Variants in CFAP251 observed in about 807,000 individuals in gnomAD.
CFAP251 encodes the protein cilia- and flagella-associated protein 251.
Under a neutral mutation model 126.7 loss-of-function variants are expected in CFAP251, and 93 were observed. The ratio of observed to expected loss-of-function variants is 0.73; its 90% confidence interval spans 0.62 to 0.87. The LOEUF is 0.87. Ranked by LOEUF, CFAP251 falls within the 40% of genes least tolerant of loss-of-function variation. The probability of loss-of-function intolerance (pLI) is 0.00; values close to 1 mark genes in which losing one functional copy is unlikely to be tolerated. For synonymous variants in CFAP251, 503 were observed against 506.9 expected, an observed-to-expected ratio of 0.99 and a Z score of 0.10; for missense variants, 1,287 against 1,389.2, an observed-to-expected ratio of 0.93 and a Z score of 1.17.
intron 4 of CFAP251, 77 bp downstream of exon 4, chr12:121,931,963 G>A: frequency 7.5e-7 from 1 of 1,330,076 alleles, no homozygotes; most frequent in Non-Finnish European, 9.8e-7. Context: ...GTATCTCAAG[G>A]GCTGACTTCA....
Position 122,003,732 on chromosome 12 carries a change from A to G in CFAP251, c.3418A>G (p.Ile1140Val), listed in dbSNP as rs781516768. The G allele has an allele frequency of 8.1e-6, 13 of 1,609,264 alleles. No individual in the cohort carries two copies. The African/African-American group carries it at 1.3e-4, about 17-fold the overall frequency. ...CGCGACTGAAATTCTTGGCTTAACC[A>G]TTTCAGAAGATTCCGGCCAGGATGG... ...IFATEILGLT[I>V]SEDSGQDGQ is the part of the protein sequence containing the mutation. Residue 1140 changes from isoleucine (I) to valine (V), a missense_variant, in exon 22 of 22, where the codon ATT (isoleucine) becomes GTT (valine). Transcript: ENST00000288912.
intron 19 of CFAP251, among the ~76,000 whole-genome samples, chr12:121,991,863 C>T (rs546303206): frequency 2.4e-4 from 37 of 152,164 alleles, no homozygotes; most frequent in South Asian, 1.0e-3. Flanking sequence ...TGTGGTGGCG[C>T]GCGCCTGTAG....
At position 121,934,168 on chromosome 12, in the gene CFAP251, G is replaced by T. The variant is rs898660253; in HGVS notation, c.889-79G>T. ...GAAAGGAGCTCAGATCTTTCTGTGG[G>T]TCCCCGGCCTTTGCTGATAGTGGCC... is the stretch of plus-strand genomic sequence containing the variant. On this transcript the variant is annotated intron_variant, in intron 4 of 21. Coordinates refer to ENST00000288912, the MANE Select transcript of CFAP251 (RefSeq NM_144668.6). The T allele has an allele frequency of 7.4e-6, 8 of 1,079,720 alleles. No individual in the cohort carries two copies. In the African/African-American group the frequency reaches 7.8e-5, roughly 11 times the overall value. 66.9% of individuals were successfully genotyped at this position (1,079,720 alleles called of 1,614,324 possible). A position where few individuals can be genotyped will look rare whatever the true frequency, so the allele number is the denominator to read the frequency against.
intron 5 of CFAP251, among the ~76,000 whole-genome samples, chr12:121,938,566 G>A (rs993788402): frequency 6.6e-6 from 1 of 150,548 alleles, no homozygotes; most frequent in Non-Finnish European, 1.5e-5. Flanking sequence ...CTGGGCTCAA[G>A]TGATCCACCT....
In CFAP251 at chr12:121,926,056, G is replaced by A. The variant is rs572535433; in HGVS notation, c.747+2066G>A. 7.5e-3 allele frequency among the ~76,000 whole-genome samples: 1,055 copies of A among 140,620 alleles called. 11 individuals are homozygous for A. Among genetic ancestry groups the A allele is most frequent in the African/African-American group, 0.027 (996 of 37,070 alleles). The allele number at this position is 140,620 out of a possible 152,430, so 92.3% of individuals were successfully genotyped here. On this transcript the variant is annotated intron_variant, in intron 3 of 21. Transcript: ENST00000288912. ...TTTTTTTTTTTTTTTTAGTAGAGAC[G>A]GAGTTTCACCGTGTTAGCCCGGATG...
intron 19 of CFAP251, among the ~76,000 whole-genome samples, chr12:121,978,384 A>C: frequency 8.0e-6 from 1 of 124,516 alleles, no homozygotes; most frequent in Non-Finnish European, 1.6e-5. Context: ...ACAGAGCAAG[A>C]CTCTGTCTCA....
chr12:121,957,063 C>T lies in CFAP251; in HGVS notation c.1536-11C>T. On this transcript the variant is annotated splice_polypyrimidine_tract_variant and intron_variant, in intron 10 of 21. Transcript: ENST00000288912. ...TGCTATTTGCAAAACTGATGTTATT[C>T]TCCATTTCAGCTACATTGTCACAGG... 3 of 1,567,502 alleles carry T rather than the reference C, an allele frequency of 1.9e-6. No individual in the cohort carries two copies. Among genetic ancestry groups the T allele is most frequent in the Non-Finnish European group, 2.6e-6 (3 of 1,157,576 alleles).
intron 7 of CFAP251, among the ~76,000 whole-genome samples, chr12:121,947,307 G>A (rs1678953): frequency 0.62 from 94,417 of 151,854 alleles, 31,955 homozygotes; most frequent in Non-Finnish European, 0.77. Flanking sequence ...TTTTTAAGTA[G>A]AGCTATCTGC....
intron 19 of CFAP251, chr12:121,998,058 A>AT (rs906428752): frequency 1.7e-4 from 24 of 142,028 alleles, no homozygotes; most frequent in Non-Finnish European, 2.3e-4. Context: ...GCCTCAATTG[A>AT]TTTTTTTTTT....
chr12:121,976,307 C>T (rs1882458064), intron 19 of CFAP251, among the ~76,000 whole-genome samples: 1 of 152,140 alleles, frequency 6.6e-6, no homozygotes, highest in Non-Finnish European at 1.5e-5. Flanking sequence ...CCACTCCCGG[C>T]CAGCCTTATA....
At chr12:121,954,792 G>A (rs774304363) in intron 10 of CFAP251, among the ~76,000 whole-genome samples, 1 of 151,616 alleles carries the variant, frequency 6.6e-6, no homozygotes, top group Non-Finnish European at 1.5e-5. Flanking sequence ...GGATGGGGGT[G>A]GATTTACTTC....
intron 19 of CFAP251, among the ~76,000 whole-genome samples, chr12:121,981,545 T>C (rs1882622944): frequency 6.6e-6 from 1 of 152,208 alleles, no homozygotes; most frequent in Non-Finnish European, 1.5e-5. Context: ...TGGGTTATTC[T>C]GAAGCAAGTT....
Position 121,992,589 on chromosome 12 carries a change from A to T in CFAP251, c.3007-7127A>T, listed in dbSNP as rs570503052. 69 of 805,434 alleles carry T rather than the reference A, an allele frequency of 8.6e-5. No individual in the cohort carries two copies. In the African/African-American group the frequency reaches 1.2e-3, roughly 14 times the overall value. 49.9% of individuals were successfully genotyped at this position (805,434 alleles called of 1,614,324 possible). On this transcript the variant is annotated intron_variant, in intron 19 of 21. Coordinates refer to ENST00000288912, the MANE Select transcript of CFAP251 (RefSeq NM_144668.6). ...ATTATTTCTTTTTTTTTTCTTTTTC[A>T]GACAGGGTCTTACTCCTCACTCCTG... is the stretch of plus-strand genomic sequence containing the variant.
At chr12:121,936,900 G>A (rs539232048) in intron 5 of CFAP251, among the ~76,000 whole-genome samples, 3 of 152,220 alleles carry the variant, frequency 2.0e-5, no homozygotes, top group East Asian at 1.9e-4. Flanking sequence ...GGGGCCCAGG[G>A]GAATTCAGAG....
At chr12:121,966,468 C>T (rs1295712503) in intron 15 of CFAP251, among the ~76,000 whole-genome samples, 2 of 89,732 alleles carry the variant, frequency 2.2e-5, no homozygotes, top group African/African-American at 8.0e-5. Context: ...GGTGGTGTTT[C>T]ACCATGTTGG....
At position 121,923,134 on chromosome 12, in the gene CFAP251, C is replaced by A. The variant is rs145548524; in HGVS notation, c.379-488C>A. 1.4e-3 allele frequency among the ~76,000 whole-genome samples: 217 copies of A among 150,632 alleles called. 2 individuals are homozygous for A. The highest frequency in any genetic ancestry group is 4.9e-3 in the African/African-American group (203 of 41,028). ...TCCTTTTCCCCCTCCCCTCCCCTCTCCTCCCCTTCCTGTCCCTTCTTCTCT... is the reference window on the plus strand; with the variant it reads ...TCCTTTTCCCCCTCCCCTCCCCTCTACTCCCCTTCCTGTCCCTTCTTCTCT... On this transcript the variant is annotated intron_variant, in intron 2 of 21. Coordinates refer to ENST00000288912, the MANE Select transcript of CFAP251 (RefSeq NM_144668.6).
chr12:121,954,241 C>T lies in CFAP251; in HGVS notation c.1442C>T (p.Ser481Phe), dbSNP rs1480931484. The stretch of plus-strand genomic sequence containing the variant: ...TGGGACATACACCGCCCACCCTCAT[C>T]TGCCTCCACCTTTTTGGGCTTTCCC... ...VVWDIHRPPSSASTFLGFPYI... is the reference protein window; with the variant it reads ...VVWDIHRPPSFASTFLGFPYI... Residue 481 changes from serine to phenylalanine, a missense_variant, in exon 10 of 22, where the codon TCT (serine) becomes TTT (phenylalanine). By Grantham distance (155) the Ser-to-Phe change is radical. Transcript: ENST00000288912. 1.2e-6 allele frequency: 2 copies of T among 1,614,094 alleles called. No homozygotes were observed. Among genetic ancestry groups the T allele is most frequent in the African/African-American group, 2.7e-5 (2 of 74,930 alleles).
intron 5 of CFAP251, among the ~76,000 whole-genome samples, chr12:121,938,485 C>A (rs1390513407): frequency 1.3e-5 from 2 of 151,002 alleles, no homozygotes; most frequent in East Asian, 3.9e-4. Context: ...CCACACCCAG[C>A]TAATTTTTTT....
chr12:121,977,626 C>G (rs1197895546), intron 19 of CFAP251, among the ~76,000 whole-genome samples: 1 of 151,826 alleles, frequency 6.6e-6, no homozygotes, highest in African/African-American at 2.4e-5. Context: ...CACCACAGCA[C>G]TCCAGCCTGG....
Sources: gnomAD v4.1 joint callset for allele counts (sites outside exome capture counted in the v4.1 genomes callset) on GRCh38, gnomAD v4.1.1 for gene constraint, MANE v1.5 for transcripts, NCBI Gene and HGNC (gene_info 2026-07-23, HGNC 2026-07-21) for gene names.